The following PTBP3 variants were observed in gnomAD, a reference collection of about 807,000 sequenced individuals.
The protein encoded by PTBP3 is polypyrimidine tract binding protein 3.
Under a neutral mutation model 58.7 loss-of-function variants are expected in PTBP3, and 20 were observed. The observed-to-expected ratio is 0.34, with a 90% CI of 0.24 to 0.50. The LOEUF is 0.50. PTBP3 is among the 20% of genes least tolerant of loss of function. The pLI is 0.98. For synonymous variants in PTBP3, 185 were observed against 219.8 expected (o/e 0.84, Z 1.40); for missense variants, 509 against 637.2 (o/e 0.80, Z 2.17).
At chr9:112,329,387 G>A (rs1830275926) in intron 1 of PTBP3, among the ~76,000 whole-genome samples, 1 of 148,958 alleles carries the variant, frequency 6.7e-6, no homozygotes, top group Non-Finnish European at 1.5e-5. Context: ...CTGTTCCCCA[G>A]CCTGGGCAAC....
At chr9:112,249,395 T>C (rs1332842242) in intron 7 of PTBP3, among the ~76,000 whole-genome samples, 2 of 152,070 alleles carry the variant, frequency 1.3e-5, no homozygotes. Flanking sequence ...CCCTAGAAAC[T>C]GTAAAGAGAA....
intron 2 of PTBP3, among the ~76,000 whole-genome samples, chr9:112,291,269 G>C (rs1302048616): frequency 6.6e-6 from 1 of 150,970 alleles, no homozygotes; most frequent in Non-Finnish European, 1.5e-5. Flanking sequence ...TGGATTGGAA[G>C]ACTTGAAATT....
At chr9:112,234,355 G>A (rs749304497) in intron 8 of PTBP3, among the ~76,000 whole-genome samples, 7 of 152,134 alleles carry the variant, frequency 4.6e-5, no homozygotes, top group Non-Finnish European at 8.8e-5. Flanking sequence ...ACCCATTAAT[G>A]ACAAAAGGTT....
At chr9:112,328,975 T>C (rs1830263335) in intron 1 of PTBP3, among the ~76,000 whole-genome samples, 2 of 152,226 alleles carry the variant, frequency 1.3e-5, no homozygotes, top group Admixed American at 6.5e-5. Flanking sequence ...CTTTCTACAA[T>C]AATTTGAACT....
intron 4 of PTBP3, among the ~76,000 whole-genome samples, chr9:112,265,594 T>A (rs1223958214): frequency 6.6e-6 from 1 of 152,096 alleles, no homozygotes; most frequent in East Asian, 1.9e-4. Context: ...GAATCCAAGC[T>A]TTTGGAATTC....
At chr9:112,260,530 G>A (rs1836549940) in intron 5 of PTBP3, among the ~76,000 whole-genome samples, 1 of 152,162 alleles carries the variant, frequency 6.6e-6, no homozygotes, top group Admixed American at 6.5e-5. Context: ...TGAGCTGAGA[G>A]TTCAATGATG....
At chr9:112,251,395 A>G (rs1305517013) in intron 6 of PTBP3, among the ~76,000 whole-genome samples, 1 of 152,186 alleles carries the variant, frequency 6.6e-6, no homozygotes, top group Non-Finnish European at 1.5e-5. Context: ...ACTACTGTCT[A>G]TCATAGAAAT....
intron 2 of PTBP3, among the ~76,000 whole-genome samples, chr9:112,295,601 T>TAAAAAA (rs35276003): frequency 6.3e-4 from 58 of 92,278 alleles, no homozygotes; most frequent in Middle Eastern, 7.0e-3. Flanking sequence ...GTTCTGTTGG[T>TAAAAAA]AAAAAAAAAA....
intron 1 of PTBP3, among the ~76,000 whole-genome samples, chr9:112,321,023 T>C (rs1162743935): frequency 4.6e-5 from 7 of 152,016 alleles, no homozygotes; most frequent in African/African-American, 1.7e-4. Context: ...ATTAAATGTA[T>C]CAAAATTAAA....
At chr9:112,305,703 G>A (rs998045415) in intron 1 of PTBP3, among the ~76,000 whole-genome samples, 1 of 152,162 alleles carries the variant, frequency 6.6e-6, no homozygotes, top group East Asian at 1.9e-4. Context: ...CACTTTGGGA[G>A]GCCGAGGGGG....
At chr9:112,257,598 G>A (rs1229793788) in intron 5 of PTBP3, among the ~76,000 whole-genome samples, 2 of 152,014 alleles carry the variant, frequency 1.3e-5, no homozygotes, top group Middle Eastern at 3.2e-3. Flanking sequence ...TTTTATAAAG[G>A]TAGAATTTGT....
At chr9:112,294,668 A>G (rs7857492) in intron 2 of PTBP3, among the ~76,000 whole-genome samples, 127,896 of 152,200 alleles carry the variant, frequency 0.84, 54,037 homozygotes, top group African/African-American at 0.92. Flanking sequence ...CAGTGAATAC[A>G]TAACAAGTTA....
In PTBP3 at chr9:112,234,813, G is replaced by T; in HGVS notation, c.880+7C>A. The stretch of plus-strand genomic sequence containing the variant: ...AAGTCATTTCAAATCCAACTTAAAA[G>T]AATCACCTGTAGCTTGAGGAAATCC... On this transcript the variant is annotated splice_region_variant and intron_variant, in intron 8 of 13. Coordinates refer to ENST00000374257, the MANE Select transcript of PTBP3 (RefSeq NM_001163788.4). 1 of 1,604,818 alleles carries T rather than the reference G, an allele frequency of 6.2e-7. No homozygotes were observed. Among genetic ancestry groups the T allele is most frequent in the South Asian group, 1.1e-5 (1 of 90,816 alleles).
chr9:112,361,477 T>A, the PTBP3 span, among the ~76,000 whole-genome samples: 2 of 152,318 alleles, frequency 1.3e-5, no homozygotes, highest in African/African-American at 4.8e-5. Context: ...AAAACGTTAA[T>A]AATATAAAAT....
intron 3 of PTBP3, among the ~76,000 whole-genome samples, chr9:112,270,239 C>G (rs185494730): frequency 6.6e-6 from 1 of 152,058 alleles, no homozygotes; most frequent in Non-Finnish European, 1.5e-5. Context: ...AATCCTTCTC[C>G]GTACTCAATG....
the PTBP3 span, among the ~76,000 whole-genome samples, chr9:112,376,420 C>G: frequency 6.6e-6 from 1 of 151,296 alleles, no homozygotes; most frequent in African/African-American, 2.4e-5. Flanking sequence ...CGCCCAGCTA[C>G]TTTTTGTATT....
intron 7 of PTBP3, among the ~76,000 whole-genome samples, chr9:112,240,478 A>G (rs1478751613): frequency 1.3e-5 from 2 of 152,130 alleles, no homozygotes; most frequent in African/African-American, 4.8e-5. Context: ...ATATGTTTGT[A>G]GTGATGCTGG....
intron 2 of PTBP3, among the ~76,000 whole-genome samples, chr9:112,295,406 A>G (rs868377134): frequency 1.6e-5 from 2 of 122,824 alleles, no homozygotes; most frequent in Middle Eastern, 3.4e-3. Context: ...ACCCACAGGC[A>G]ATAAGATTGG....
chr9:112,236,142 A>G (rs1835429620), intron 7 of PTBP3, among the ~76,000 whole-genome samples: 1 of 151,942 alleles, frequency 6.6e-6, no homozygotes, highest in Non-Finnish European at 1.5e-5. Flanking sequence ...TTTCTTCATT[A>G]AAAAGAATTA....
Sources: gnomAD v4.1 joint callset for allele counts (sites outside exome capture counted in the v4.1 genomes callset) on GRCh38, gnomAD v4.1.1 for gene constraint, MANE v1.5 for transcripts, NCBI Gene and HGNC (gene_info 2026-07-23, HGNC 2026-07-21) for gene names.